Variants in PLD5 observed in about 807,000 individuals in gnomAD.
PLD5 encodes the protein phospholipase D family member 5.
Under a neutral mutation model 61.1 loss-of-function variants are expected in PLD5, and 36 were observed. The ratio of observed to expected loss-of-function variants is 0.59; its 90% confidence interval spans 0.45 to 0.78. The LOEUF (loss-of-function observed/expected upper bound fraction) is 0.78, where lower values mean the gene tolerates loss of function less well. Ranked by LOEUF, PLD5 falls within the 30% of genes least tolerant of loss-of-function variation. The pLI is 0.00. For missense variants in PLD5, 515 were observed against 644.4 expected, an observed-to-expected ratio of 0.80 and a Z score of 2.17; for synonymous variants, 243 against 242.8, an observed-to-expected ratio of 1.00 and a Z score of -0.01.
At chr1:242,184,574 G>A (rs892394320) in intron 5 of PLD5, among the ~76,000 whole-genome samples, 7 of 152,074 alleles carry the variant, frequency 4.6e-5, no homozygotes, top group Non-Finnish European at 7.4e-5. Context: ...TTGCCCTGTC[G>A]GCCAGGCTAG....
chr1:242,329,712 G>A (rs1201905990), intron 2 of PLD5, among the ~76,000 whole-genome samples: 1 of 152,166 alleles, frequency 6.6e-6, no homozygotes, highest in Non-Finnish European at 1.5e-5. Flanking sequence ...GGAGTTTCTT[G>A]AGTCCTCTAC....
At chr1:242,150,406 A>T (rs1664846161) in intron 5 of PLD5, among the ~76,000 whole-genome samples, 2 of 151,772 alleles carry the variant, frequency 1.3e-5, no homozygotes, top group African/African-American at 4.8e-5. Flanking sequence ...TGAATGGTGA[A>T]GTCTTCAGTT....
At chr1:242,355,477 A>G (rs2149229333) in intron 1 of PLD5, among the ~76,000 whole-genome samples, 1 of 151,380 alleles carries the variant, frequency 6.6e-6, no homozygotes, top group Middle Eastern at 3.4e-3. Flanking sequence ...TTTATTTTTG[A>G]TTTTATTTGA....
In PLD5 at chr1:242,265,228, C is replaced by T. The variant is rs1411020579; in HGVS notation, c.607+109G>A. On this transcript the variant is annotated intron_variant, in intron 4 of 9. Coordinates refer to ENST00000536534, the MANE Select transcript of PLD5 (RefSeq NM_001372062.1). ...TTCAAAGATGTAAATGTACTATGTA[C>T]TAAGTGAAATGTACTAACCATAAAG... is the stretch of plus-strand genomic sequence containing the variant. The T allele has an allele frequency of 3.0e-6, 4 of 1,348,652 alleles. No individual in the cohort carries two copies. In the East Asian group the frequency reaches 1.1e-4, roughly 38 times the overall value. The allele number at this position is 1,348,652 out of a possible 1,614,324, so 83.5% of individuals were successfully genotyped here.
intron 1 of PLD5, among the ~76,000 whole-genome samples, chr1:242,521,518 T>C (rs1453936961): frequency 7.3e-6 from 1 of 137,910 alleles, no homozygotes; most frequent in Non-Finnish European, 1.6e-5. Flanking sequence ...TGTGTGTCAT[T>C]TGAAGTCATA....
chr1:242,512,210 G>T (rs1336342923), intron 1 of PLD5, among the ~76,000 whole-genome samples: 1 of 150,392 alleles, frequency 6.6e-6, no homozygotes, highest in Non-Finnish European at 1.5e-5. Context: ...AGGAGATCGA[G>T]ACCATCCTGG....
intron 3 of PLD5, among the ~76,000 whole-genome samples, chr1:242,274,738 A>G (rs1558420664): frequency 6.6e-6 from 1 of 152,056 alleles, no homozygotes; most frequent in Admixed American, 6.6e-5. Flanking sequence ...TGGGGGACAG[A>G]GCAAGACTCA....
rs890911691 is a variant in PLD5, at chr1:242,441,339, T to G, written c.189+82749A>C. On this transcript the variant is annotated intron_variant, in intron 1 of 9. Coordinates refer to ENST00000536534, the MANE Select transcript of PLD5 (RefSeq NM_001372062.1). ...ATGTTTTTAGTAGGTGTGTGTGGTG[T>G]TGTGTGTGTGTATGAAAAAGGCTAG... Among the ~76,000 whole-genome samples the G allele has an allele frequency of 3.9e-5, 6 of 151,918 alleles. No individual in the cohort carries two copies. The South Asian group carries it at 6.2e-4, about 16-fold the overall frequency.
At chr1:242,315,919 T>C (rs1229056333) in intron 2 of PLD5, among the ~76,000 whole-genome samples, 2 of 152,186 alleles carry the variant, frequency 1.3e-5, no homozygotes, top group East Asian at 3.9e-4. Context: ...GAATTCAACA[T>C]ACACTTAATA....
At chr1:242,248,440 T>C (rs559277015) in intron 4 of PLD5, among the ~76,000 whole-genome samples, 11 of 149,770 alleles carry the variant, frequency 7.3e-5, no homozygotes, top group African/African-American at 2.7e-4. Context: ...GAATTTAAAG[T>C]ATATTTAAAA....
intron 3 of PLD5, among the ~76,000 whole-genome samples, chr1:242,267,698 C>G (rs568416091): frequency 6.7e-6 from 1 of 148,522 alleles, no homozygotes; most frequent in Admixed American, 6.7e-5. Flanking sequence ...TGGGCAATAT[C>G]AGGAGACCCT....
chr1:242,308,301 C>G (rs966905348), intron 2 of PLD5, among the ~76,000 whole-genome samples: 2 of 152,138 alleles, frequency 1.3e-5, no homozygotes, highest in East Asian at 3.9e-4. Context: ...TTAGAATCTG[C>G]GTGGGAGACA....
chr1:242,339,718 A>G (rs1484885340), intron 2 of PLD5, among the ~76,000 whole-genome samples: 4 of 152,194 alleles, frequency 2.6e-5, no homozygotes, highest in African/African-American at 9.6e-5. Flanking sequence ...GGAAAGGAAC[A>G]TCTCTTCCTC....
At chr1:242,304,028 G>C (rs1344705345) in intron 2 of PLD5, among the ~76,000 whole-genome samples, 1 of 152,072 alleles carries the variant, frequency 6.6e-6, no homozygotes, top group African/African-American at 2.4e-5. Flanking sequence ...CTGACTGATG[G>C]CTACTTTCAA....
intron 5 of PLD5, among the ~76,000 whole-genome samples, chr1:242,187,931 C>T (rs112597084): frequency 3.3e-5 from 5 of 152,256 alleles, no homozygotes; most frequent in African/African-American, 1.2e-4. Flanking sequence ...CTGAGGAGAG[C>T]TTTGAATGTC....
chr1:242,467,908 C>T (rs1196453982), intron 1 of PLD5, among the ~76,000 whole-genome samples: 1 of 151,700 alleles, frequency 6.6e-6, no homozygotes, highest in Non-Finnish European at 1.5e-5. Flanking sequence ...TTCCACTGTG[C>T]CCCCAGTAGA....
At position 242,491,934 on chromosome 1, in the gene PLD5, C is replaced by A. The variant is rs1156592922; in HGVS notation, c.189+32154G>T. ...GCTGCAATTATCAAAATTTTATAGA[C>A]CTTGGAGCTCAAGAATGCTAGACAT... is the stretch of plus-strand genomic sequence containing the variant. On this transcript the variant is annotated intron_variant, in intron 1 of 9. Coordinates refer to ENST00000536534, the MANE Select transcript of PLD5 (RefSeq NM_001372062.1). 3.3e-5 allele frequency among the ~76,000 whole-genome samples: 5 copies of A among 152,306 alleles called. No homozygotes were observed. The East Asian group carries it at 9.6e-4, about 29-fold the overall frequency.
At position 242,107,802 on chromosome 1, in the gene PLD5, C is replaced by T. The variant is rs769949994; in HGVS notation, c.1108G>A (p.Ala370Thr). 7 of 1,607,184 alleles carry T rather than the reference C, an allele frequency of 4.4e-6. No individual in the cohort carries two copies. The South Asian group carries it at 6.7e-5, about 15-fold the overall frequency. Residue 370 changes from alanine (A) to threonine (T), a missense_variant, in exon 8 of 10, where the codon GCA (alanine) becomes ACA (threonine). Around this residue, in one of 2 missense-constraint regions of PLD5, gnomAD observed 450 missense variants for 598.1 expected, o/e 0.75. Transcript: ENST00000536534. ...WPDLDAKIRE[A>T]LVLRSVRVRL... ...ACTCTAACGCTTCGTAAAACTAATG[C>T]TTCTCTTATTTTTGCATCCAAGTCT... is the stretch of plus-strand genomic sequence containing the variant.
intron 4 of PLD5, among the ~76,000 whole-genome samples, chr1:242,251,650 A>C (rs1672711325): frequency 1.3e-5 from 2 of 151,786 alleles, no homozygotes; most frequent in Non-Finnish European, 1.5e-5. Context: ...GGTGGGGAAC[A>C]CCTGCCAGAG....
Sources: gnomAD v4.1 joint callset for allele counts (sites outside exome capture counted in the v4.1 genomes callset) on GRCh38, gnomAD v4.1.1 for gene constraint, gnomAD v4.1.1 regional missense constraint, MANE v1.5 for transcripts, NCBI Gene and HGNC (gene_info 2026-07-23, HGNC 2026-07-21) for gene names.